Variants in ITCH observed in about 807,000 individuals in gnomAD.
ITCH encodes itchy E3 ubiquitin protein ligase, also known as E3 ubiquitin-protein ligase Itchy homolog.
ITCH carries 28 observed loss-of-function variants against 126.8 expected under a neutral mutation model. The observed-to-expected ratio is 0.22, with a 90% CI of 0.16 to 0.30. ITCH has a LOEUF of 0.30. Ranked by LOEUF, ITCH falls within the 10% of genes least tolerant of loss-of-function variation. ITCH has a pLI of 1.00. For missense variants in ITCH, 631 were observed against 1,032.4 expected (o/e 0.61, Z 5.33); for synonymous variants, 342 against 340.0 (o/e 1.01, Z -0.06).
At chr20:34,404,758 G>A (rs919010383) in intron 3 of ITCH, among the ~76,000 whole-genome samples, 2 of 151,972 alleles carry the variant, frequency 1.3e-5, no homozygotes, top group Non-Finnish European at 2.9e-5. Context: ...TACCTGTTTC[G>A]CAGAATAGGT....
At chr20:34,407,819 A>C (rs1225409626) in intron 3 of ITCH, among the ~76,000 whole-genome samples, 1 of 152,142 alleles carries the variant, frequency 6.6e-6, no homozygotes, top group Non-Finnish European at 1.5e-5. Context: ...CCTGTTTTTC[A>C]TCATAAATAC....
chr20:34,377,370 T>C (rs1299428435), intron 2 of ITCH, among the ~76,000 whole-genome samples: 1 of 152,102 alleles, frequency 6.6e-6, no homozygotes, highest in Non-Finnish European at 1.5e-5. Context: ...CGAGACCCTG[T>C]CTCAAAAAGA....
At chr20:34,487,010 A>C (rs994957844) in intron 20 of ITCH, among the ~76,000 whole-genome samples, 1 of 92,670 alleles carries the variant, frequency 1.1e-5, no homozygotes, top group African/African-American at 3.9e-5. Context: ...AGTATTTGTT[A>C]GGTTTTTTTT....
At chr20:34,455,553 C>T (rs1179407863) in intron 12 of ITCH, among the ~76,000 whole-genome samples, 1 of 151,434 alleles carries the variant, frequency 6.6e-6, no homozygotes, top group East Asian at 1.9e-4. Flanking sequence ...ACCTCTGCGT[C>T]CCGGGTTCAA....
At chr20:34,382,307 T>C (rs2038094123) in intron 2 of ITCH, among the ~76,000 whole-genome samples, 1 of 152,204 alleles carries the variant, frequency 6.6e-6, no homozygotes, top group South Asian at 2.1e-4. Flanking sequence ...TGAATAACAA[T>C]GCTTTTTGGC....
rs1984918715 is a variant in ITCH, at chr20:34,449,471, C to T, written c.1201C>T (p.Pro401Ser). ...ATTTGATCCTCTTGGTCCATTGCCA[C>T]CTGGATGGGGTAAGTCACATGAGTT... ...KEFDPLGPLP[P>S]GWEKRTDSNG... The change falls in exon 12 of 25, where the codon CCT becomes TCT. Residue 401 changes from proline to serine, a missense_variant. This residue lies in a region of ITCH where 390 missense variants were observed against 731.6 expected (regional missense o/e 0.53). Coordinates refer to ENST00000374864, the MANE Select transcript of ITCH (RefSeq NM_031483.7). 6.2e-7 allele frequency: 1 copy of T among 1,602,528 alleles called. No individual in the cohort carries two copies. Among genetic ancestry groups the T allele is most frequent in the Non-Finnish European group, 8.5e-7 (1 of 1,169,840 alleles).
chr20:34,506,558 G>C (rs1169055189), intron 24 of ITCH, among the ~76,000 whole-genome samples: 1 of 152,160 alleles, frequency 6.6e-6, no homozygotes, highest in Non-Finnish European at 1.5e-5. Context: ...ATTGTGAACT[G>C]TGCATGTGAG....
At chr20:34,386,244 G>A (rs2038280499) in intron 2 of ITCH, among the ~76,000 whole-genome samples, 1 of 152,048 alleles carries the variant, frequency 6.6e-6, no homozygotes, top group Admixed American at 6.6e-5. Context: ...GATCACAGGT[G>A]CCTGCCACCA....
chr20:34,503,465 T>C (rs557446588), intron 23 of ITCH, among the ~76,000 whole-genome samples: 40 of 152,362 alleles, frequency 2.6e-4, no homozygotes, highest in African/African-American at 8.7e-4. Context: ...TATACTTGTA[T>C]CTGTTTTTGT....
At chr20:34,491,196 A>G (rs1244523178) in intron 22 of ITCH, among the ~76,000 whole-genome samples, 1 of 152,206 alleles carries the variant, frequency 6.6e-6, no homozygotes, top group Non-Finnish European at 1.5e-5. Context: ...CTGTGTTGGA[A>G]TATTATTCAG....
intron 12 of ITCH, among the ~76,000 whole-genome samples, chr20:34,456,649 T>C (rs867763889): frequency 9.8e-6 from 1 of 101,668 alleles, no homozygotes; most frequent in African/African-American, 3.6e-5. Context: ...AAAAAATATA[T>C]ATATATATAT....
At chr20:34,452,698 C>A (rs1985410264) in intron 12 of ITCH, among the ~76,000 whole-genome samples, 1 of 152,134 alleles carries the variant, frequency 6.6e-6, no homozygotes, top group Admixed American at 6.5e-5. Flanking sequence ...ATGGGGGTCT[C>A]CCTGTGTTGC....
At chr20:34,397,017 G>A (rs917766035) in intron 3 of ITCH, among the ~76,000 whole-genome samples, 3 of 151,554 alleles carry the variant, frequency 2.0e-5, no homozygotes, top group Non-Finnish European at 4.4e-5. Flanking sequence ...GTCTTTGTAG[G>A]TTTTTTGTTT....
chr20:34,411,443 T>C (rs1979026917), intron 4 of ITCH, among the ~76,000 whole-genome samples: 1 of 152,266 alleles, frequency 6.6e-6, no homozygotes, highest in South Asian at 2.1e-4. Flanking sequence ...CGTGAGCCAT[T>C]GCGCCTGGCC....
intron 1 of ITCH, 51 bp from the exon 2 acceptor site, chr20:34,369,343 A>AACAG (rs1350589711): frequency 2.5e-6 from 1 of 397,198 alleles, no homozygotes; most frequent in Non-Finnish European, 4.4e-6. Context: ...AAAACAAACA[A>AACAG]ACAAAAAAAT....
rs185246354 is a variant in ITCH, at chr20:34,444,721, A to G, written c.966-566A>G. On this transcript the variant is annotated intron_variant, in intron 10 of 24. Transcript: ENST00000374864. ...TATTGGCATGATCTCGGCTCACTGC[A>G]GCCCCCACCTCATAGGTTCAAGCAG... Among the ~76,000 whole-genome samples the G allele has an allele frequency of 3.3e-5, 5 of 152,270 alleles. No individual in the cohort carries two copies. The East Asian group carries it at 9.7e-4, about 29-fold the overall frequency.
chr20:34,480,719 C>A lies in ITCH; in HGVS notation c.1939C>A (p.Leu647Ile). Residue 647 changes from leucine (L) to isoleucine (I), a missense_variant, in exon 19 of 25, where the codon CTC (leucine) becomes ATC (isoleucine). Transcript: ENST00000374864. The part of the protein sequence containing the change: ...ESIDPEFYNS[L>I]IWVKENNIEE... ...TATTGATCCAGAATTTTACAATTCT[C>A]TCATCTGGGTTAAGTAAGTTTCTTT... The A allele has an allele frequency of 6.2e-7, 1 of 1,605,960 alleles. No homozygotes were observed. Among genetic ancestry groups the A allele is most frequent in the Non-Finnish European group, 8.5e-7 (1 of 1,173,130 alleles).
At chr20:34,489,142 TCA>T (rs2146507245) in intron 20 of ITCH, 122 bp from the exon 21 acceptor site, 1 of 739,286 alleles carries the variant, frequency 1.4e-6, no homozygotes, top group Non-Finnish European at 2.2e-6. Context: ...TACAGGGGGT[TCA>T]TTATGTTCTA....
intron 2 of ITCH, among the ~76,000 whole-genome samples, chr20:34,380,152 G>A (rs911017319): frequency 7.2e-5 from 11 of 152,056 alleles, no homozygotes; most frequent in Non-Finnish European, 5.9e-5. Context: ...GATTACAGCC[G>A]TGAGCCACTG....
Sources: allele counts gnomAD v4.1 joint callset (sites outside exome capture counted in the v4.1 genomes callset), GRCh38; gene constraint gnomAD v4.1.1; regional missense constraint gnomAD v4.1.1; transcripts MANE v1.5; gene names NCBI Gene and HGNC (gene_info 2026-07-23, HGNC 2026-07-21).